The following RAB36 variants were observed in gnomAD, a reference collection of about 807,000 sequenced individuals.
RAB36 encodes the protein ras-related protein Rab-36.
In RAB36, 33 loss-of-function variants were observed where a neutral mutation model predicts 39.3. The observed-to-expected ratio is 0.84, with a 90% CI of 0.64 to 1.12. The LOEUF (loss-of-function observed/expected upper bound fraction) is 1.12, where lower values mean the gene tolerates loss of function less well. Ranked by LOEUF, RAB36 falls within the 50% of genes most tolerant of loss-of-function variation. The pLI is 0.00. For synonymous variants in RAB36, 133 were observed against 140.2 expected, an observed-to-expected ratio of 0.95 and a Z score of 0.36; for missense variants, 308 against 355.3, an observed-to-expected ratio of 0.87 and a Z score of 1.07.
chr22:23,148,161 C>G (rs1001900762), intron 2 of RAB36, among the ~76,000 whole-genome samples: 7 of 152,042 alleles, frequency 4.6e-5, no homozygotes, highest in Non-Finnish European at 7.4e-5. Flanking sequence ...CCTCCTTCCC[C>G]CTTCTTTACC....
chr22:23,159,369 C>T (rs942097157), intron 9 of RAB36, 116 bp downstream of exon 9: 1 of 1,014,190 alleles, frequency 9.9e-7, no homozygotes, highest in Non-Finnish European at 1.4e-6. Context: ...CCTCTGTGGC[C>T]CTGGTGCACA....
intron 1 of RAB36, chr22:23,145,814 A>G (rs1197433207): frequency 3.4e-6 from 1 of 293,520 alleles, no homozygotes; most frequent in African/African-American, 2.3e-5. Context: ...CCTGGAGAGG[A>G]GTCCGGACAG....
chr22:23,153,029 A>G lies in RAB36; in HGVS notation c.228-4A>G, dbSNP rs201644530. The G allele has an allele frequency of 8.3e-4, 1,343 of 1,611,384 alleles. 3 individuals carry two copies. Among genetic ancestry groups the G allele is most frequent in the Non-Finnish European group, 1.0e-3 (1,207 of 1,177,666 alleles). ...CCCTGTGACGACTTCCTCATCCCCCACAGGTTTTGCAAGAATGTTTTTGAT... is the reference window on the plus strand; with the variant it reads ...CCCTGTGACGACTTCCTCATCCCCCGCAGGTTTTGCAAGAATGTTTTTGAT... On this transcript the variant is annotated splice_region_variant and splice_polypyrimidine_tract_variant and intron_variant, in intron 4 of 10. Transcript: ENST00000263116.
chr22:23,159,889 G>C (rs1275602918), intron 9 of RAB36, among the ~76,000 whole-genome samples: 3 of 152,208 alleles, frequency 2.0e-5, no homozygotes, highest in African/African-American at 7.2e-5. Flanking sequence ...ATCTCATCTG[G>C]GAAGCAGGTG....
At chr22:23,146,024 C>G (rs1340076705) in intron 1 of RAB36, 2 of 984,828 alleles carry the variant, frequency 2.0e-6, no homozygotes, top group Non-Finnish European at 2.4e-6. Flanking sequence ...CCTCACAGCC[C>G]AGTAAGGTAA....
At position 23,164,866 on chromosome 22, in the gene RAB36, G is replaced by C. The variant is rs6003528; in HGVS notation, c.*3302G>C. Among the ~76,000 whole-genome samples the C allele has an allele frequency of 6.6e-6, 1 of 151,974 alleles. No homozygotes were observed. Among genetic ancestry groups the C allele is most frequent in the Non-Finnish European group, 1.5e-5 (1 of 67,992 alleles). ...CAGGGCTAGGTCCCAGGGTGCTCTC[G>C]CTCTGGCTTTCGAGGCTCCTCACCA... On this transcript the variant is annotated 3_prime_UTR_variant, in exon 11 of 11. Coordinates refer to ENST00000263116, the MANE Select transcript of RAB36 (RefSeq NM_004914.5).
At chr22:23,153,448 C>T (rs2071278116) in intron 5 of RAB36, 1 of 471,540 alleles carries the variant, frequency 2.1e-6, no homozygotes, top group Non-Finnish European at 2.8e-6. Flanking sequence ...TGACCTAGGC[C>T]TCCTGTGATC....
At position 23,161,953 on chromosome 22, in the gene RAB36, A is replaced by G. The variant is rs7511022; in HGVS notation, c.*389A>G. On this transcript the variant is annotated 3_prime_UTR_variant, in exon 11 of 11. Coordinates refer to ENST00000263116, the MANE Select transcript of RAB36 (RefSeq NM_004914.5). ...GGCCCACATCAGCAGTCAACCCTGC[A>G]CTCTTTCCCAGCGATCTTGGATGTG... 2.6e-5 allele frequency: 5 copies of G among 193,914 alleles called. No homozygotes were observed. Among genetic ancestry groups the G allele is most frequent in the South Asian group, 1.0e-4 (1 of 10,010 alleles). 12.0% of individuals were successfully genotyped at this position (193,914 alleles called of 1,614,324 possible).
upstream of RAB36, chr22:23,145,470 G>T: frequency 6.2e-7 from 1 of 1,609,650 alleles, no homozygotes. Context: ...GGTCCCGCGT[G>T]GCTCTCGTTG....
chr22:23,160,327 C>T (rs1007604161), intron 9 of RAB36, among the ~76,000 whole-genome samples: 3 of 152,148 alleles, frequency 2.0e-5, no homozygotes, highest in South Asian at 2.1e-4. Context: ...GCAGGACTGC[C>T]CTATGCGGTT....
At chr22:23,160,786 C>A (rs1292387907) in intron 9 of RAB36, 93 bp from the exon 10 acceptor site, 27 of 1,537,478 alleles carry the variant, frequency 1.8e-5, no homozygotes, top group Non-Finnish European at 2.2e-5. Context: ...TACGTGCCAA[C>A]CTGAGGGTAG....
Position 23,158,034 on chromosome 22 carries a change from A to G in RAB36, c.437A>G (p.Glu146Gly). 1 of 1,614,060 alleles carries G rather than the reference A, an allele frequency of 6.2e-7. No homozygotes were observed. Among genetic ancestry groups the G allele is most frequent in the Non-Finnish European group, 8.5e-7 (1 of 1,179,992 alleles). Residue 146 changes from glutamate to glycine, a missense_variant, in exon 7 of 11, where the codon GAG (glutamate) becomes GGG (glycine). Physicochemically the swap from Glu to Gly is moderately conservative, Grantham distance 98 (BLOSUM62 -2). Transcript: ENST00000263116. ...AFDLTDVQTLEHTRQWLEDAL... is the reference protein window; with the variant it reads ...AFDLTDVQTLGHTRQWLEDAL... ...GACCTCACTGACGTGCAGACCCTGG[A>G]GCATACCAGGTAAGTCTGGGCTCTC...
rs115497687 is a variant in RAB36, at chr22:23,164,708, G to A, written c.*3144G>A. On this transcript the variant is annotated 3_prime_UTR_variant, in exon 11 of 11. Coordinates refer to ENST00000263116, the MANE Select transcript of RAB36 (RefSeq NM_004914.5). Reference sequence around the variant, plus strand: ...GACCGCGTCCAAGTGCTGCCGAAACGCCTTTTTCCTCTTCCCTGTTTCCCT... The same window carrying A: ...GACCGCGTCCAAGTGCTGCCGAAACACCTTTTTCCTCTTCCCTGTTTCCCT... 1.7e-3 allele frequency among the ~76,000 whole-genome samples: 258 copies of A among 152,206 alleles called. 2 individuals are homozygous for A. Among genetic ancestry groups the A allele is most frequent in the African/African-American group, 6.1e-3 (253 of 41,524 alleles).
At chr22:23,167,711 ATTT>A (rs528853125), downstream of RAB36, among the ~76,000 whole-genome samples, 1 of 145,674 alleles carries the variant, frequency 6.9e-6, no homozygotes, top group African/African-American at 2.7e-5. Flanking sequence ...TAATTAATTT[ATTT>A]TTTTTTTTAA....
chr22:23,152,617 A>C, intron 4 of RAB36, 91 bp downstream of exon 4: 2 of 1,262,838 alleles, frequency 1.6e-6, no homozygotes, highest in Non-Finnish European at 2.3e-6. Context: ...TCAACATAGC[A>C]GAAATCATGT....
At chr22:23,160,280 G>A (rs963533417) in intron 9 of RAB36, among the ~76,000 whole-genome samples, 1 of 152,170 alleles carries the variant, frequency 6.6e-6, no homozygotes, top group Non-Finnish European at 1.5e-5. Context: ...CCTTATCAGA[G>A]TAACAGTGAG....
chr22:23,149,274 C>T, intron 2 of RAB36, among the ~76,000 whole-genome samples: 1 of 152,224 alleles, frequency 6.6e-6, no homozygotes, highest in Admixed American at 6.5e-5. Context: ...TCCCCACATC[C>T]TTGCCACATT....
At chr22:23,150,529 C>CT (rs1468714154) in intron 3 of RAB36, among the ~76,000 whole-genome samples, 1 of 152,004 alleles carries the variant, frequency 6.6e-6, no homozygotes, top group African/African-American at 2.4e-5. Context: ...TCTCGATCTC[C>CT]TGACCTCGTG....
chr22:23,158,128 C>G, intron 7 of RAB36, 85 bp downstream of exon 7: 1 of 1,576,716 alleles, frequency 6.3e-7, no homozygotes. Context: ...CCAGTGGACC[C>G]TGACCCCGTG....
Sources: allele counts gnomAD v4.1 joint callset (sites outside exome capture counted in the v4.1 genomes callset), GRCh38; gene constraint gnomAD v4.1.1; transcripts MANE v1.5; gene names NCBI Gene and HGNC (gene_info 2026-07-23, HGNC 2026-07-21).